The following PLCG2 variants were observed in gnomAD, a reference collection of about 807,000 sequenced individuals.
The protein encoded by PLCG2 is 1-phosphatidylinositol 4,5-bisphosphate phosphodiesterase gamma-2.
In PLCG2, 69 loss-of-function variants were observed where a neutral mutation model predicts 175.6. The observed-to-expected ratio is 0.39, with a 90% confidence interval of 0.32 to 0.48. PLCG2 has a LOEUF of 0.48. Ranked by LOEUF, PLCG2 falls within the 20% of genes least tolerant of loss-of-function variation. The probability of loss-of-function intolerance (pLI) is 0.91; values close to 1 mark genes in which losing one functional copy is unlikely to be tolerated. For synonymous variants in PLCG2, 827 were observed against 624.0 expected, an observed-to-expected ratio of 1.33 and a Z score of -4.85; for missense variants, 1,798 against 1,650.9, an observed-to-expected ratio of 1.09 and a Z score of -1.54.
intron 2 of PLCG2, among the ~76,000 whole-genome samples, chr16:81,759,128 C>G (rs1192085871): frequency 6.6e-6 from 1 of 152,084 alleles, no homozygotes; most frequent in African/African-American, 2.4e-5. Flanking sequence ...GGATTCTTTA[C>G]CCACTGTTAA....
intron 2 of PLCG2, among the ~76,000 whole-genome samples, chr16:81,802,720 C>A (rs935413959): frequency 6.6e-6 from 1 of 151,830 alleles, no homozygotes; most frequent in African/African-American, 2.4e-5. Context: ...TACAGGCATG[C>A]GCCACCACGC....
chr16:81,785,496 ATTTT>A (rs10555890), intron 1 of PLCG2, among the ~76,000 whole-genome samples: 86,135 of 147,532 alleles, frequency 0.58, 24,988 homozygotes, highest in South Asian at 0.73. Context: ...CGTTTATTTC[ATTTT>A]TTTTTTTTTT....
chr16:81,948,520 A>G (rs1911240954), intron 31 of PLCG2, among the ~76,000 whole-genome samples: 1 of 152,152 alleles, frequency 6.6e-6, no homozygotes, highest in South Asian at 2.1e-4. Context: ...AGTGGAAGAA[A>G]ACCCAGGATG....
At chr16:81,850,718 G>A (rs1443996541) in intron 2 of PLCG2, among the ~76,000 whole-genome samples, 1 of 152,124 alleles carries the variant, frequency 6.6e-6, no homozygotes, top group Non-Finnish European at 1.5e-5. Context: ...GGAACTTCTG[G>A]CACCTGCACA....
At chr16:81,847,943 A>G (rs866635001) in intron 2 of PLCG2, among the ~76,000 whole-genome samples, 1 of 152,246 alleles carries the variant, frequency 6.6e-6, no homozygotes, top group African/African-American at 2.4e-5. Flanking sequence ...TGTATATCTT[A>G]TTAAAAGTCA....
chr16:81,766,695 T>A (rs181861523), intron 2 of PLCG2: 6 of 152,298 alleles, frequency 3.9e-5, no homozygotes, highest in Non-Finnish European at 7.3e-5. Context: ...TTTGTCTTTT[T>A]TTCCCCTTGT....
At chr16:81,907,978 G>T (rs1005445786) in intron 16 of PLCG2, among the ~76,000 whole-genome samples, 1 of 152,142 alleles carries the variant, frequency 6.6e-6, no homozygotes, top group Non-Finnish European at 1.5e-5. Flanking sequence ...TAACCAGTGA[G>T]GTTCAAGATG....
chr16:81,825,137 C>T (rs76902880), intron 2 of PLCG2, among the ~76,000 whole-genome samples: 1 of 152,288 alleles, frequency 6.6e-6, no homozygotes, highest in African/African-American at 2.4e-5. Flanking sequence ...GAAATCAGAC[C>T]TGCATAATTG....
In PLCG2 at chr16:81,936,207, A is replaced by G. The variant is rs750349959; in HGVS notation, c.2881A>G (p.Thr961Ala). The stretch of plus-strand genomic sequence containing the variant: ...CCGAGAAATCCGCTCCTTTGTGGAG[A>G]CGAAGGCTGACAGCATCATCAGACA... Reference protein sequence around the residue: ...DFREIRSFVETKADSIIRQKP... With the variant: ...DFREIRSFVEAKADSIIRQKP... Residue 961 changes from threonine to alanine, a missense_variant, in exon 27 of 33, where the codon ACG (threonine) becomes GCG (alanine). Coordinates refer to ENST00000564138, the MANE Select transcript of PLCG2 (RefSeq NM_002661.5). 4.3e-6 allele frequency: 7 copies of G among 1,614,028 alleles called. No individual in the cohort carries two copies. The Admixed American group carries it at 8.3e-5, about 19-fold the overall frequency.
chr16:81,927,239 G>C (rs1371965996), intron 23 of PLCG2, 61 bp downstream of exon 23: 2 of 1,146,038 alleles, frequency 1.7e-6, no homozygotes, highest in Non-Finnish European at 2.6e-6. Context: ...AGTTTTTCAG[G>C]GAGCTGTGCC....
At chr16:81,848,663 T>A (rs1906246469) in intron 2 of PLCG2, among the ~76,000 whole-genome samples, 1 of 152,110 alleles carries the variant, frequency 6.6e-6, no homozygotes, top group Non-Finnish European at 1.5e-5. Flanking sequence ...CCTCTTGAGG[T>A]CCCCATTTCT....
chr16:81,764,548 G>T (rs1206854901), intron 2 of PLCG2, among the ~76,000 whole-genome samples: 1 of 152,174 alleles, frequency 6.6e-6, no homozygotes, highest in African/African-American at 2.4e-5. Context: ...CGTGCCCCGT[G>T]CAGGTCTCAC....
chr16:81,912,813 A>G, intron 19 of PLCG2, 97 bp downstream of exon 19: 1 of 1,411,460 alleles, frequency 7.1e-7, no homozygotes, highest in Non-Finnish European at 9.4e-7. Flanking sequence ...GCTCACCTGC[A>G]GTGCCCTGCC....
rs1005295502 is a variant in PLCG2, at chr16:81,958,695, C to G, written c.*697C>G. The G allele has an allele frequency of 9.0e-6, 2 of 221,412 alleles. No individual in the cohort carries two copies. Among genetic ancestry groups the G allele is most frequent in the African/African-American group, 2.2e-5 (1 of 44,656 alleles). The allele number at this position is 221,412 out of a possible 1,614,324, so 13.7% of individuals were successfully genotyped here. ...GTTTTAAAAAGCCCATCAGAGAGAC[C>G]AGAGCCGTGCTGCAGGGGCAGGTTC... On this transcript the variant is annotated 3_prime_UTR_variant, in exon 33 of 33. Coordinates refer to ENST00000564138, the MANE Select transcript of PLCG2 (RefSeq NM_002661.5).
intron 18 of PLCG2, among the ~76,000 whole-genome samples, chr16:81,911,597 C>CTAATTAATTAAT (rs58191847): frequency 1.6e-4 from 23 of 146,338 alleles, no homozygotes; most frequent in Non-Finnish European, 2.5e-4. Flanking sequence ...CTGTGCCCAG[C>CTAATTAATTAAT]TAATTAATTA....
At chr16:81,937,437 AG>A (rs1910762044) in intron 27 of PLCG2, 1 of 208,310 alleles carries the variant, frequency 4.8e-6, no homozygotes, top group Non-Finnish European at 9.7e-6. Flanking sequence ...CAGAACTAAG[AG>A]GTTAAAAATT....
chr16:81,887,420 A>G (rs1205274809), intron 9 of PLCG2, among the ~76,000 whole-genome samples: 1 of 152,182 alleles, frequency 6.6e-6, no homozygotes, highest in African/African-American at 2.4e-5. Flanking sequence ...CGCCCGGCCT[A>G]GTATTTTAAT....
At chr16:81,907,797 T>C (rs776637583) in intron 16 of PLCG2, 23 bp downstream of exon 16, 8 of 1,577,672 alleles carry the variant, frequency 5.1e-6, no homozygotes, top group Middle Eastern at 1.9e-4. Context: ...CCTAGCCACA[T>C]AGGGAGGAGG....
chr16:81,802,986 A>G (rs1027370910), intron 2 of PLCG2, among the ~76,000 whole-genome samples: 2 of 152,002 alleles, frequency 1.3e-5, no homozygotes, highest in African/African-American at 4.8e-5. Context: ...TTTCCCCCAA[A>G]TCCTATACAT....
Sources: allele counts gnomAD v4.1 joint callset (sites outside exome capture counted in the v4.1 genomes callset), GRCh38; gene constraint gnomAD v4.1.1; transcripts MANE v1.5; gene names NCBI Gene and HGNC (gene_info 2026-07-23, HGNC 2026-07-21).